FEZF1: variants seen among roughly 807,000 people sequenced by gnomAD.
FEZF1 encodes the protein fez family zinc finger protein 1.
A neutral mutation model predicts 32.4 loss-of-function variants in FEZF1; 8 were observed. The ratio of observed to expected loss-of-function variants is 0.25; its 90% CI spans 0.15 to 0.45. The LOEUF is 0.45. Ranked by LOEUF, FEZF1 falls within the 20% of genes least tolerant of loss-of-function variation. The pLI, the probability that FEZF1 is intolerant of heterozygous loss-of-function variation, is 1.00. For missense variants in FEZF1, 546 were observed against 622.3 expected (o/e 0.88, Z 1.31); for synonymous variants, 259 against 265.2 (o/e 0.98, Z 0.23).
Position 122,304,345 on chromosome 7 carries a change from G to A in FEZF1, c.93C>T (p.Phe31=), listed in dbSNP as rs2150616500. 1.9e-6 allele frequency: 3 copies of A among 1,612,832 alleles called. No individual in the cohort carries two copies. The highest frequency in any genetic ancestry group is 1.1e-5 in the South Asian group (1 of 90,906). ...NMMSTSKPLA[F]SIERIMARTP... is the part of the protein sequence containing the mutation. ...TGCGCGCCATGATTCGTTCAATGGA[G>A]AAAGCCAAGGGTTTGGACGTGCTCA... The change falls in exon 1 of 4, where the codon TTC becomes TTT. Residue 31 remains phenylalanine (F), a synonymous_variant. Coordinates refer to ENST00000442488, the MANE Select transcript of FEZF1 (RefSeq NM_001024613.4).
rs1215845353 is a variant in FEZF1 at position 122,303,208 on chromosome 7, G to C, written c.905C>G (p.Thr302Ser). 6.2e-7 allele frequency: 1 copy of C among 1,614,052 alleles called. No individual in the cohort carries two copies. Among genetic ancestry groups the C allele is most frequent in the Non-Finnish European group, 8.5e-7 (1 of 1,180,044 alleles). The change falls in exon 2 of 4, where the codon ACC becomes AGC. Residue 302 changes from threonine (T) to serine (S), a missense_variant. Around this residue, in one of 3 missense-constraint regions of FEZF1, gnomAD observed 118 missense variants for 188.7 expected, o/e 0.63. Transcript: ENST00000442488. ...VCGKGFRQAS[T>S]LCRHKIIHTQ... is the part of the protein sequence containing the mutation. ...GTGAATGATCTTGTGCCTGCACAGG[G>C]TGCTTGCTTGCCTGAAACCTTTTCC...
chr7:122,302,098 G>A lies in FEZF1; in HGVS notation c.1327C>T (p.Pro443Ser), dbSNP rs1269649638. 3 of 1,611,206 alleles carry A rather than the reference G, an allele frequency of 1.9e-6. No individual in the cohort carries two copies. The highest frequency in any genetic ancestry group is 1.7e-5 in the Admixed American group (1 of 59,924). ...ATCGGCGGCTGCTGCGGTAGCGGGG[G>A]CGGCGGTTCAGTGCCTGGTTCGCCA... The part of the protein sequence containing the change: ...PAGEPGTEPP[P>S]PLPQQPPMTL... The change falls in exon 4 of 4, where the codon CCC becomes TCC. Residue 443 changes from proline to serine, a missense_variant. Physicochemically the swap from Pro to Ser is moderately conservative, Grantham distance 74. Coordinates refer to ENST00000442488, the MANE Select transcript of FEZF1 (RefSeq NM_001024613.4). The surrounding 1 kb of genome is among the most constrained non-coding windows in gnomAD (Gnocchi z 4.4).
upstream of FEZF1, chr7:122,309,608 CTG>C (rs2031371778): frequency 6.6e-6 from 1 of 152,258 alleles, no homozygotes; most frequent in Non-Finnish European, 1.5e-5. Flanking sequence ...TCCCTCCAGA[CTG>C]AGAGGCTATG....
At chr7:122,303,508 A>ATGAAGGAG in intron 1 of FEZF1, 129 bp downstream of exon 1, 1 of 366,992 alleles carries the variant, frequency 2.7e-6, no homozygotes, top group Non-Finnish European at 4.6e-6. Context: ...GAAGGAAGGA[A>ATGAAGGAG]GGAAGGAAGG....
intron 1 of FEZF1, 99 bp downstream of exon 1, chr7:122,303,535 AAGG>A (rs1563042195): frequency 7.9e-6 from 3 of 378,350 alleles, no homozygotes; most frequent in Non-Finnish European, 4.7e-6. Flanking sequence ...GGAAGGAAGG[AAGG>A]AGGGAGGGAA....
chr7:122,304,213 G>A lies in FEZF1; in HGVS notation c.225C>T (p.Ile75=), dbSNP rs1291537900. The A allele has an allele frequency of 6.3e-7, 1 of 1,596,352 alleles. No individual in the cohort carries two copies. The highest frequency in any genetic ancestry group is 8.6e-7 in the Non-Finnish European group (1 of 1,169,032). The change falls in exon 1 of 4, where the codon ATC becomes ATT. Residue 75 remains isoleucine, a synonymous_variant. Transcript: ENST00000442488. ...LHLNSSIPCM[I]PFVPVAYDTS... is the part of the protein sequence containing the mutation. ...TGTCGTAGGCCACAGGCACGAAGGG[G>A]ATCATGCAGGGGATCGACGAGTTGA...
upstream of FEZF1, among the ~76,000 whole-genome samples, chr7:122,308,739 C>A (rs192728622): frequency 4.8e-4 from 73 of 152,128 alleles, no homozygotes; most frequent in African/African-American, 1.6e-3. Flanking sequence ...TTAGAGTTTT[C>A]TGGCCTGTTC....
At chr7:122,309,202 T>G (rs2031361308), upstream of FEZF1, among the ~76,000 whole-genome samples, 1 of 152,196 alleles carries the variant, frequency 6.6e-6, no homozygotes, top group South Asian at 2.1e-4. Context: ...TAGTGTGCTT[T>G]TAGTTAGTTT....
At position 122,304,011 on chromosome 7, in the gene FEZF1, G is replaced by A. The variant is rs571282420; in HGVS notation, c.427C>T (p.Leu143=). ...RDALPLQQYK[L]VRPRVVNHSS... ...TGGTTGACCACACGCGGCCTTACCA[G>A]CTTGTACTGCTGCAGCGGCAGCGCG... The change falls in exon 1 of 4, where the codon CTG becomes TTG. Residue 143 remains leucine (L), a synonymous_variant. Transcript: ENST00000442488. 3.2e-6 allele frequency: 5 copies of A among 1,567,318 alleles called. No individual in the cohort carries two copies. In the African/African-American group the frequency reaches 6.8e-5, roughly 21 times the overall value.
At chr7:122,306,490 T>A (rs1016416400), upstream of FEZF1, 1 of 152,172 alleles carries the variant, frequency 6.6e-6, no homozygotes, top group African/African-American at 2.4e-5. Context: ...TTCCCTCCTC[T>A]CTACCCCATT....
Position 122,303,508 on chromosome 7 carries a change from A to AGGAGGGAG in FEZF1, c.801+128_801+129insCTCCCTCC, listed in dbSNP as rs1206551464. 3.8e-4 allele frequency: 139 copies of AGGAGGGAG among 366,918 alleles called. 1 individual carries two copies. Among genetic ancestry groups the AGGAGGGAG allele is most frequent in the Non-Finnish European group, 5.9e-4 (127 of 216,738 alleles). 22.7% of individuals were successfully genotyped at this position (366,918 alleles called of 1,614,324 possible). A position where few individuals can be genotyped will look rare whatever the true frequency, so the allele number is the denominator to read the frequency against. On this transcript the variant is annotated intron_variant, in intron 1 of 3. Transcript: ENST00000442488. ...AAGGAAGGAAGGAAGGAAGGAAGGA[A>AGGAGGGAG]GGAAGGAAGGAAGGAAGGAAGGAAG...
chr7:122,308,195 C>T (rs1184310590), upstream of FEZF1, among the ~76,000 whole-genome samples: 2 of 152,072 alleles, frequency 1.3e-5, no homozygotes, highest in African/African-American at 4.8e-5. Context: ...ATTAAGTGTG[C>T]CTCCCCTTTC....
At position 122,302,477 on chromosome 7, in the gene FEZF1, T is replaced by C; in HGVS notation, c.1070-122A>G. ...GAGCCGCCACAGGTCCCACAACAAGTGCAGGGCTACTATCTGTGCCTGCAC... is the reference window on the plus strand; with the variant it reads ...GAGCCGCCACAGGTCCCACAACAAGCGCAGGGCTACTATCTGTGCCTGCAC... On this transcript the variant is annotated intron_variant, in intron 3 of 3. Coordinates refer to ENST00000442488, the MANE Select transcript of FEZF1 (RefSeq NM_001024613.4). The surrounding 1 kb of genome is among the most constrained non-coding windows in gnomAD (Gnocchi z 4.4). 1 of 1,440,580 alleles carries C rather than the reference T, an allele frequency of 6.9e-7. No individual in the cohort carries two copies. The highest frequency in any genetic ancestry group is 2.2e-5 in the Admixed American group (1 of 45,312). The allele number at this position is 1,440,580 out of a possible 1,614,324, so 89.2% of individuals were successfully genotyped here.
In FEZF1 at chr7:122,301,548, A is replaced by C. The variant is rs1474781088; in HGVS notation, c.*449T>G. 6.4e-6 allele frequency: 1 copy of C among 156,624 alleles called. No individual in the cohort carries two copies. Among genetic ancestry groups the C allele is most frequent in the Admixed American group, 6.5e-5 (1 of 15,364 alleles). 9.7% of individuals were successfully genotyped at this position (156,624 alleles called of 1,614,324 possible). ...AAAGAGGAAATGATCAACATCCAGCAGACATCTTGAGACCGGAGAATCAAC... is the reference window on the plus strand; with the variant it reads ...AAAGAGGAAATGATCAACATCCAGCCGACATCTTGAGACCGGAGAATCAAC... On this transcript the variant is annotated 3_prime_UTR_variant, in exon 4 of 4. Coordinates refer to ENST00000442488, the MANE Select transcript of FEZF1 (RefSeq NM_001024613.4).
upstream of FEZF1, chr7:122,304,855 A>G (rs1038393470): frequency 6.4e-6 from 1 of 156,826 alleles, no homozygotes; most frequent in African/African-American, 2.4e-5. Context: ...CCCCGCCCAG[A>G]AAAGGCGGGG....
chr7:122,305,206 A>ACTGGGCCTGGGTGGGCCGGG (rs2031237861), upstream of FEZF1: 1 of 151,388 alleles, frequency 6.6e-6, no homozygotes, highest in Non-Finnish European at 1.5e-5. Context: ...GCTTGGTTCC[A>ACTGGGCCTGGGTGGGCCGGG]CTGGGCCTGG....
rs762716722 is a variant in FEZF1, at chr7:122,302,349, T to C, written c.1076A>G (p.Tyr359Cys). The C allele has an allele frequency of 6.2e-6, 10 of 1,613,820 alleles. No homozygotes were observed. Among genetic ancestry groups the C allele is most frequent in the Non-Finnish European group, 8.5e-6 (10 of 1,179,978 alleles). ...GCTGTGGGTCAACTTGTGGTTTTTG[T>C]AATTCCCTGAAACACACAAATGACA... ...CGKGFHQKGN[Y>C]KNHKLTHSGE... The change falls in exon 4 of 4, where the codon TAC becomes TGC. Residue 359 changes from tyrosine to cysteine, a missense_variant. Coordinates refer to ENST00000442488, the MANE Select transcript of FEZF1 (RefSeq NM_001024613.4). The surrounding 1 kb of genome is among the most constrained non-coding windows in gnomAD (Gnocchi z 4.4).
chr7:122,307,082 G>A (rs1584963586), upstream of FEZF1: 1 of 152,246 alleles, frequency 6.6e-6, no homozygotes, highest in Admixed American at 6.6e-5. Flanking sequence ...CAGACACTCA[G>A]TATTGGTCAG....
In FEZF1 at chr7:122,303,277, A is replaced by G. The variant is rs1241387490; in HGVS notation, c.836T>C (p.Met279Thr). The G allele has an allele frequency of 1.2e-6, 2 of 1,614,038 alleles. No homozygotes were observed. Among genetic ancestry groups the G allele is most frequent in the African/African-American group, 1.3e-5 (1 of 74,916 alleles). Reference protein sequence around the residue: ...FNAHYNLTRHMPVHTGARPFV... With the variant: ...FNAHYNLTRHTPVHTGARPFV... ...GGGTCTGGCTCCTGTGTGCACTGGC[A>G]TGTGACGGGTTAAGTTATAGTGCGC... The change falls in exon 2 of 4, where the codon ATG becomes ACG. Residue 279 changes from methionine to threonine, a missense_variant. Coordinates refer to ENST00000442488, the MANE Select transcript of FEZF1 (RefSeq NM_001024613.4).
Sources: gnomAD v4.1 joint callset for allele counts (sites outside exome capture counted in the v4.1 genomes callset) on GRCh38, gnomAD v4.1.1 for gene constraint, gnomAD v4.1.1 regional missense constraint, Gnocchi (gnomAD v3.1) non-coding constraint, MANE v1.5 for transcripts, NCBI Gene and HGNC (gene_info 2026-07-23, HGNC 2026-07-21) for gene names.